DENND1A: variants seen among roughly 807,000 people sequenced by gnomAD.
DENND1A encodes the protein DENN domain containing 1A.
A neutral mutation model predicts 113.7 loss-of-function variants in DENND1A; 51 were observed. That is an observed-to-expected ratio of 0.45 (90% CI 0.36 to 0.57). The LOEUF (loss-of-function observed/expected upper bound fraction) is 0.57, where lower values mean the gene tolerates loss of function less well. Among genes scored for constraint, DENND1A ranks in the 20% least tolerant of loss-of-function variants. DENND1A has a pLI of 0.00. For missense variants in DENND1A, 1,258 were observed against 1,395.9 expected (o/e 0.90, Z 1.57); for synonymous variants, 565 against 570.8 (o/e 0.99, Z 0.14).
chr9:123,402,679 T>C, intron 21 of DENND1A: 1 of 523,844 alleles, frequency 1.9e-6, no homozygotes, highest in South Asian at 1.4e-5. Flanking sequence ...TGTGCTCCTT[T>C]TGCGGACAAA....
chr9:123,767,939 T>C (rs1305404293), intron 4 of DENND1A, among the ~76,000 whole-genome samples: 2 of 152,224 alleles, frequency 1.3e-5, no homozygotes, highest in Non-Finnish European at 2.9e-5. Flanking sequence ...TTTATAAATA[T>C]GTCTTTGCCA....
chr9:123,710,741 T>C (rs1453309876), intron 5 of DENND1A, among the ~76,000 whole-genome samples: 13 of 151,910 alleles, frequency 8.6e-5, no homozygotes, highest in Admixed American at 8.5e-4. Flanking sequence ...AGCATGATCT[T>C]GACTCACTGC....
At chr9:123,781,367 T>G (rs1205967424) in intron 3 of DENND1A, among the ~76,000 whole-genome samples, 1 of 152,136 alleles carries the variant, frequency 6.6e-6, no homozygotes, top group East Asian at 1.9e-4. Flanking sequence ...AATAAAATAA[T>G]AAACAGTTGT....
chr9:123,382,827 C>T (rs1057030607), intron 23 of DENND1A, among the ~76,000 whole-genome samples: 7 of 152,228 alleles, frequency 4.6e-5, no homozygotes, highest in South Asian at 2.1e-4. Flanking sequence ...GCCTGTGCTC[C>T]GGGAACTCAA....
chr9:123,876,173 G>A (rs1285253350), intron 2 of DENND1A, among the ~76,000 whole-genome samples: 1 of 151,968 alleles, frequency 6.6e-6, no homozygotes, highest in East Asian at 1.9e-4. Flanking sequence ...ACAAATCCAG[G>A]AACTTTCTAC....
chr9:123,758,212 A>G (rs2070742866), intron 4 of DENND1A, among the ~76,000 whole-genome samples: 1 of 152,136 alleles, frequency 6.6e-6, no homozygotes, highest in Admixed American at 6.5e-5. Flanking sequence ...CTGGATTTTA[A>G]CCCTCGCGCT....
intron 1 of DENND1A, among the ~76,000 whole-genome samples, chr9:123,899,821 T>G (rs75348789): frequency 0.038 from 5,792 of 152,268 alleles, 114 homozygotes; most frequent in Middle Eastern, 0.048. Flanking sequence ...TGAGAAAATA[T>G]TAAAAAGTAG....
At chr9:123,791,003 T>G (rs984183357) in intron 3 of DENND1A, among the ~76,000 whole-genome samples, 3 of 152,182 alleles carry the variant, frequency 2.0e-5, no homozygotes, top group African/African-American at 7.2e-5. Flanking sequence ...CATGAACATA[T>G]TACCCATGCA....
chr9:123,497,622 C>T (rs1373611223), intron 13 of DENND1A, among the ~76,000 whole-genome samples: 3 of 152,132 alleles, frequency 2.0e-5, no homozygotes, highest in Admixed American at 6.5e-5. Flanking sequence ...CTGTGCCTGG[C>T]CATTTCTAAG....
chr9:123,760,632 T>C (rs2070958070), intron 4 of DENND1A, among the ~76,000 whole-genome samples: 2 of 152,212 alleles, frequency 1.3e-5, no homozygotes, highest in Admixed American at 6.5e-5. Context: ...AAACGCTACC[T>C]TCCTATGCCT....
chr9:123,401,660 C>T (rs2043472873), intron 21 of DENND1A: 1 of 1,471,584 alleles, frequency 6.8e-7, no homozygotes. Flanking sequence ...GCATATTAAA[C>T]AAACAACAAA....
intron 2 of DENND1A, among the ~76,000 whole-genome samples, chr9:123,871,933 A>G (rs1050554935): frequency 1.3e-5 from 2 of 152,228 alleles, no homozygotes; most frequent in African/African-American, 4.8e-5. Context: ...GTAATGAGAC[A>G]CTTGTGTTTG....
At chr9:123,898,388 G>A (rs764127179) in intron 1 of DENND1A, among the ~76,000 whole-genome samples, 5 of 152,078 alleles carry the variant, frequency 3.3e-5, no homozygotes, top group Non-Finnish European at 5.9e-5. Context: ...GGAGTGCAAT[G>A]ACATGAACAC....
chr9:123,583,519 C>T (rs185294424), intron 11 of DENND1A, among the ~76,000 whole-genome samples: 6 of 152,252 alleles, frequency 3.9e-5, no homozygotes, highest in Admixed American at 3.9e-4. Context: ...CAGTAACATG[C>T]CCCAGGTCAC....
intron 11 of DENND1A, among the ~76,000 whole-genome samples, chr9:123,590,616 T>A (rs2059412007): frequency 6.6e-6 from 1 of 152,182 alleles, no homozygotes; most frequent in Non-Finnish European, 1.5e-5. Flanking sequence ...GTTTGTTAAA[T>A]AAAAACAAAT....
intron 12 of DENND1A, among the ~76,000 whole-genome samples, chr9:123,558,862 T>C (rs1449711510): frequency 6.6e-6 from 1 of 152,208 alleles, no homozygotes; most frequent in Non-Finnish European, 1.5e-5. Flanking sequence ...ATATTTATTA[T>C]TTCCTATGTA....
At chr9:123,603,088 T>C (rs1452683033) in intron 11 of DENND1A, among the ~76,000 whole-genome samples, 1 of 152,154 alleles carries the variant, frequency 6.6e-6, no homozygotes, top group Admixed American at 6.5e-5. Context: ...TGTGGAGTCA[T>C]ACAAAGAAGC....
chr9:123,480,153 G>T (rs1224648416), intron 13 of DENND1A, among the ~76,000 whole-genome samples: 2 of 152,128 alleles, frequency 1.3e-5, no homozygotes, highest in African/African-American at 2.4e-5. Flanking sequence ...ACTCTGTGAG[G>T]GTTCCCAGGC....
chr9:123,592,206 G>A (rs559975755), intron 11 of DENND1A, among the ~76,000 whole-genome samples: 10 of 152,328 alleles, frequency 6.6e-5, no homozygotes, highest in East Asian at 1.9e-4. Flanking sequence ...CAATAAAATG[G>A]ATTAGAGTTC....
Sources: allele counts gnomAD v4.1 joint callset (sites outside exome capture counted in the v4.1 genomes callset), GRCh38; gene constraint gnomAD v4.1.1; transcripts MANE v1.5; gene names NCBI Gene and HGNC (gene_info 2026-07-23, HGNC 2026-07-21).